SGCZ: variants seen among roughly 807,000 people sequenced by gnomAD.
SGCZ encodes zeta-sarcoglycan.
In SGCZ, 40 loss-of-function variants were observed where a neutral mutation model predicts 41.3. That is an observed-to-expected ratio of 0.97 (90% CI 0.75 to 1.26). The LOEUF (loss-of-function observed/expected upper bound fraction) is 1.26, where lower values mean the gene tolerates loss of function less well. SGCZ is among the 50% of genes most tolerant of loss of function. The pLI, the probability that SGCZ is intolerant of heterozygous loss-of-function variation, is 0.00. For missense variants in SGCZ, 552 were observed against 369.8 expected (o/e 1.49, Z -4.04); for synonymous variants, 206 against 137.5 (o/e 1.50, Z -3.49).
intron 1 of SGCZ, among the ~76,000 whole-genome samples, chr8:14,771,700 G>C (rs533975076): frequency 6.6e-5 from 10 of 152,150 alleles, no homozygotes; most frequent in African/African-American, 2.4e-4. Flanking sequence ...GGAAGCAGTG[G>C]AATGTTCTCT....
chr8:14,893,324 T>C (rs563142411), intron 1 of SGCZ, among the ~76,000 whole-genome samples: 2 of 152,156 alleles, frequency 1.3e-5, no homozygotes, highest in Admixed American at 6.6e-5. Flanking sequence ...TCTCCTACAA[T>C]CTCCAGAAAG....
chr8:15,075,225 CAAA>C (rs11317842), intron 1 of SGCZ, among the ~76,000 whole-genome samples: 3 of 149,490 alleles, frequency 2.0e-5, no homozygotes, highest in Admixed American at 6.7e-5. Context: ...AGTAGTCAGA[CAAA>C]AAAAAAAAAT....
At chr8:14,889,324 T>C (rs1234070991) in intron 1 of SGCZ, among the ~76,000 whole-genome samples, 1 of 152,112 alleles carries the variant, frequency 6.6e-6, no homozygotes, top group Admixed American at 6.6e-5. Context: ...ATAAAAATCC[T>C]GTAAAAAGTA....
chr8:14,716,965 T>C (rs568963051), intron 1 of SGCZ, among the ~76,000 whole-genome samples: 8 of 152,200 alleles, frequency 5.3e-5, no homozygotes, highest in South Asian at 2.1e-4. Flanking sequence ...CATGAGATGA[T>C]TTCATCACTC....
chr8:14,358,215 A>C (rs1017852717), intron 2 of SGCZ, among the ~76,000 whole-genome samples: 14 of 152,176 alleles, frequency 9.2e-5, no homozygotes, highest in African/African-American at 3.4e-4. Flanking sequence ...AAATGACTAG[A>C]TCTATAAACT....
intron 1 of SGCZ, among the ~76,000 whole-genome samples, chr8:14,858,740 C>G (rs1229026904): frequency 6.6e-6 from 1 of 152,050 alleles, no homozygotes; most frequent in East Asian, 1.9e-4. Context: ...CTGGAAAATA[C>G]TGGTTCACTG....
chr8:14,301,373 A>T (rs1801180786), intron 3 of SGCZ, among the ~76,000 whole-genome samples: 1 of 81,678 alleles, frequency 1.2e-5, no homozygotes, highest in Non-Finnish European at 3.9e-5. Flanking sequence ...TTCAAATCAC[A>T]AAAAAAAACA....
chr8:14,763,125 T>A lies in SGCZ; in HGVS notation c.40-208199A>T, dbSNP rs7014002. 5.6e-3 allele frequency among the ~76,000 whole-genome samples: 860 copies of A among 152,288 alleles called. 14 individuals are homozygous for A. The highest frequency in any genetic ancestry group is 0.02 in the African/African-American group (816 of 41,556). On this transcript the variant is annotated intron_variant, in intron 1 of 7. Coordinates refer to ENST00000382080, the MANE Select transcript of SGCZ (RefSeq NM_139167.4). ...TGTTTCCTAAGTTCTTTAAAATGTG[T>A]TGTATATGTCTGGTTGCCCTCTATA...
chr8:15,138,269 T>C (rs1808188772), intron 1 of SGCZ, among the ~76,000 whole-genome samples: 1 of 152,216 alleles, frequency 6.6e-6, no homozygotes, highest in African/African-American at 2.4e-5. Context: ...ACTTGTTTTT[T>C]ATTTTACAGG....
intron 2 of SGCZ, among the ~76,000 whole-genome samples, chr8:14,471,122 A>G (rs1439694459): frequency 6.6e-6 from 1 of 152,032 alleles, no homozygotes; most frequent in Non-Finnish European, 1.5e-5. Context: ...GCCTTTAAAA[A>G]CTCAATGTTT....
chr8:14,323,960 C>A (rs899410727), intron 3 of SGCZ, 143 bp downstream of exon 3: 23 of 562,442 alleles, frequency 4.1e-5, no homozygotes, highest in African/African-American at 3.9e-4. Context: ...ATGATGTTAT[C>A]ATTTTGATTT....
chr8:14,720,229 T>C (rs911160910), intron 1 of SGCZ, among the ~76,000 whole-genome samples: 3 of 151,978 alleles, frequency 2.0e-5, no homozygotes, highest in Non-Finnish European at 4.4e-5. Context: ...AAATAAAAGG[T>C]GATCACAAGA....
intron 2 of SGCZ, among the ~76,000 whole-genome samples, chr8:14,386,307 A>T (rs537190720): frequency 6.6e-6 from 1 of 152,080 alleles, no homozygotes; most frequent in Non-Finnish European, 1.5e-5. Context: ...CATGGTAAAA[A>T]AAAAAAAAAC....
chr8:15,042,820 G>A (rs530831383), intron 1 of SGCZ, among the ~76,000 whole-genome samples: 9 of 152,138 alleles, frequency 5.9e-5, no homozygotes, highest in African/African-American at 1.9e-4. Context: ...AAGAGTTTTC[G>A]CTCGGTCAAA....
chr8:14,980,595 A>G (rs1585433577), intron 1 of SGCZ, among the ~76,000 whole-genome samples: 1 of 152,186 alleles, frequency 6.6e-6, no homozygotes. Flanking sequence ...GGAGCAAGTC[A>G]CGTCTTACGT....
intron 1 of SGCZ, among the ~76,000 whole-genome samples, chr8:15,030,230 G>C (rs1803610441): frequency 6.6e-6 from 1 of 152,102 alleles, no homozygotes; most frequent in South Asian, 2.1e-4. Flanking sequence ...GGTTGTGAAG[G>C]ATGAATAAGA....
intron 1 of SGCZ, among the ~76,000 whole-genome samples, chr8:15,137,172 T>G (rs1808139093): frequency 6.6e-6 from 1 of 152,076 alleles, no homozygotes; most frequent in Non-Finnish European, 1.5e-5. Flanking sequence ...CTTACTATGT[T>G]TTAGCAAAGA....
intron 1 of SGCZ, among the ~76,000 whole-genome samples, chr8:14,664,718 C>A (rs1563188021): frequency 6.6e-6 from 1 of 152,128 alleles, no homozygotes; most frequent in Admixed American, 6.6e-5. Flanking sequence ...CTTATGAAAA[C>A]ACTGATTTTA....
intron 1 of SGCZ, among the ~76,000 whole-genome samples, chr8:15,120,906 A>T (rs1807454397): frequency 6.6e-6 from 1 of 152,204 alleles, no homozygotes; most frequent in Non-Finnish European, 1.5e-5. Context: ...GAATTAATCC[A>T]AAAACAGCCT....
Sources: gnomAD v4.1 joint callset for allele counts (sites outside exome capture counted in the v4.1 genomes callset) on GRCh38, gnomAD v4.1.1 for gene constraint, MANE v1.5 for transcripts, NCBI Gene and HGNC (gene_info 2026-07-23, HGNC 2026-07-21) for gene names.